The following ANXA3 variants were observed in gnomAD, a reference collection of about 807,000 sequenced individuals.
ANXA3 encodes annexin A3, also known as 35-alpha calcimedin.
ANXA3 carries 46 observed loss-of-function variants against 48.8 expected under a neutral mutation model. That is an observed-to-expected ratio of 0.94 (90% CI 0.74 to 1.21). The LOEUF (loss-of-function observed/expected upper bound fraction) is 1.21. Among genes scored for constraint, ANXA3 ranks in the 50% most tolerant of loss-of-function variants. The probability of loss-of-function intolerance (pLI) is 0.00; values close to 1 mark genes in which losing one functional copy is unlikely to be tolerated. For synonymous variants in ANXA3, 128 were observed against 134.7 expected, an observed-to-expected ratio of 0.95 and a Z score of 0.35; for missense variants, 383 against 378.6, an observed-to-expected ratio of 1.01 and a Z score of -0.10.
chr4:78,586,609 G>A (rs1318633160), intron 6 of ANXA3, among the ~76,000 whole-genome samples: 2 of 152,096 alleles, frequency 1.3e-5, no homozygotes, highest in African/African-American at 2.4e-5. Context: ...TTTTGCTCTC[G>A]GCAATCTCTC....
chr4:78,582,356 T>C (rs569823381), intron 5 of ANXA3, 66 bp downstream of exon 5: 28 of 1,091,982 alleles, frequency 2.6e-5, no homozygotes, highest in Admixed American at 1.7e-4. Context: ...AGTGACTTTC[T>C]TGCAGTGCAC....
intron 2 of ANXA3, among the ~76,000 whole-genome samples, chr4:78,560,218 G>A (rs1056189013): frequency 1.3e-5 from 2 of 152,152 alleles, no homozygotes; most frequent in Non-Finnish European, 2.9e-5. Context: ...TAACTACCCA[G>A]CATTAGCATC....
chr4:78,578,175 G>A (rs752374749), intron 3 of ANXA3, among the ~76,000 whole-genome samples: 1 of 151,864 alleles, frequency 6.6e-6, no homozygotes, highest in Non-Finnish European at 1.5e-5. Flanking sequence ...CAGCTACTTG[G>A]GAGACTGAGG....
At chr4:78,589,751 A>G (rs1236195951) in intron 6 of ANXA3, among the ~76,000 whole-genome samples, 21 of 152,240 alleles carry the variant, frequency 1.4e-4, no homozygotes. Context: ...GAGAGAAGAT[A>G]CAATGGGTTC....
At chr4:78,573,613 A>G (rs1473024971) in intron 3 of ANXA3, among the ~76,000 whole-genome samples, 1 of 152,180 alleles carries the variant, frequency 6.6e-6, no homozygotes, top group Non-Finnish European at 1.5e-5. Flanking sequence ...GATTTATTGC[A>G]AAGTGAAAAA....
intron 3 of ANXA3, among the ~76,000 whole-genome samples, chr4:78,574,111 T>C (rs1459230590): frequency 2.0e-5 from 3 of 152,168 alleles, no homozygotes; most frequent in Admixed American, 6.5e-5. Context: ...ATTATCATAA[T>C]AAATCATTAC....
chr4:78,567,174 C>T (rs555753830), intron 2 of ANXA3, among the ~76,000 whole-genome samples: 5 of 152,340 alleles, frequency 3.3e-5, no homozygotes, highest in Middle Eastern at 3.4e-3. Context: ...CGCTTGGTTA[C>T]CAGTATTTTT....
At chr4:78,575,579 AT>A (rs1722931958) in intron 3 of ANXA3, among the ~76,000 whole-genome samples, 2 of 152,186 alleles carry the variant, frequency 1.3e-5, no homozygotes, top group South Asian at 4.1e-4. Flanking sequence ...TTCCACCATG[AT>A]TGTGAGGCTT....
intron 12 of ANXA3, among the ~76,000 whole-genome samples, chr4:78,605,787 A>T (rs77183311): frequency 0.045 from 6,906 of 152,312 alleles, 479 homozygotes; most frequent in African/African-American, 0.15. Flanking sequence ...ATAAATTACA[A>T]ATTATTTGAA....
Position 78,595,405 on chromosome 4 carries a change from G to A in ANXA3, c.508G>A (p.Val170Met). 6.2e-7 allele frequency: 1 copy of A among 1,613,416 alleles called. No homozygotes were observed. Among genetic ancestry groups the A allele is most frequent in the East Asian group, 2.2e-5 (1 of 44,874 alleles). The change falls in exon 8 of 13, where the codon GTG becomes ATG. Residue 170 changes from valine (V) to methionine (M), a missense_variant. By Grantham distance (21) the Val-to-Met change is conservative. Transcript: ENST00000264908. ...GGGCAGAAGAGATGAAAGTCTGAAAGTGGATGAGCATCTGGCCAAACAAGA... is the reference window on the plus strand; with the variant it reads ...GGGCAGAAGAGATGAAAGTCTGAAAATGGATGAGCATCTGGCCAAACAAGA... ...ADGRRDESLK[V>M]DEHLAKQDAQ...
At chr4:78,568,450 A>T (rs1406742278) in intron 2 of ANXA3, among the ~76,000 whole-genome samples, 1 of 152,100 alleles carries the variant, frequency 6.6e-6, no homozygotes, top group Non-Finnish European at 1.5e-5. Context: ...TGGAGCTTTG[A>T]TTTGATGCCT....
chr4:78,555,603 C>A (rs1454814515), intron 2 of ANXA3, among the ~76,000 whole-genome samples: 1 of 151,670 alleles, frequency 6.6e-6, no homozygotes, highest in Non-Finnish European at 1.5e-5. Context: ...TTTTGGGAGG[C>A]CAAGATGGGA....
chr4:78,573,062 G>A (rs1406032907), intron 2 of ANXA3, 118 bp from the exon 3 acceptor site: 3 of 806,502 alleles, frequency 3.7e-6, no homozygotes, highest in Non-Finnish European at 6.6e-6. Flanking sequence ...GAAGTGGTAG[G>A]AAGGTGTGCG....
At chr4:78,601,084 C>T (rs909689076) in intron 10 of ANXA3, among the ~76,000 whole-genome samples, 12 of 152,102 alleles carry the variant, frequency 7.9e-5, no homozygotes, top group East Asian at 1.9e-4. Context: ...AGTGCCCCTG[C>T]GTGCCTAATG....
intron 12 of ANXA3, among the ~76,000 whole-genome samples, chr4:78,605,491 A>G (rs908810630): frequency 1.5e-4 from 23 of 152,100 alleles, no homozygotes; most frequent in African/African-American, 5.6e-4. Context: ...GACGTTTTTC[A>G]CATAAGGTAG....
chr4:78,577,031 C>G (rs1194392045), intron 3 of ANXA3, among the ~76,000 whole-genome samples: 3 of 152,220 alleles, frequency 2.0e-5, no homozygotes, highest in Admixed American at 2.0e-4. Context: ...TGAGCTGATA[C>G]ATGAGCTAAG....
At chr4:78,592,706 A>G (rs1723324438) in intron 7 of ANXA3, among the ~76,000 whole-genome samples, 1 of 152,226 alleles carries the variant, frequency 6.6e-6, no homozygotes, top group African/African-American at 2.4e-5. Context: ...TCATATCTGT[A>G]AAACTAAAAT....
At position 78,579,073 on chromosome 4, in the gene ANXA3, T is replaced by G. The variant is rs201486819; in HGVS notation, c.150T>G (p.Asn50Lys). The change falls in exon 4 of 13, where the codon AAT becomes AAG. Residue 50 changes from asparagine (N) to lysine (K), a missense_variant. By Grantham distance (94) the Asn-to-Lys change is moderately conservative. Transcript: ENST00000264908. Reference protein sequence around the residue: ...MLISILTERSNAQRQLIVKEY... With the variant: ...MLISILTERSKAQRQLIVKEY... ...TCAGCATTCTGACTGAGAGGTCAAA[T>G]GCACAGCGGCAGCTGATTGTTAAGG... 6.2e-7 allele frequency: 1 copy of G among 1,612,836 alleles called. No homozygotes were observed. The highest frequency in any genetic ancestry group is 8.5e-7 in the Non-Finnish European group (1 of 1,178,994).
At chr4:78,552,974 T>A (rs1017653184) in intron 1 of ANXA3, among the ~76,000 whole-genome samples, 1 of 152,262 alleles carries the variant, frequency 6.6e-6, no homozygotes, top group African/African-American at 2.4e-5. Context: ...AAAGGATATA[T>A]TGAAATTCTG....
Sources: gnomAD v4.1 joint callset for allele counts (sites outside exome capture counted in the v4.1 genomes callset) on GRCh38, gnomAD v4.1.1 for gene constraint, MANE v1.5 for transcripts, NCBI Gene and HGNC (gene_info 2026-07-23, HGNC 2026-07-21) for gene names.